ADAM32: variants seen among roughly 807,000 people sequenced by gnomAD.
ADAM32 encodes ADAM metallopeptidase domain 32, also known as disintegrin and metalloproteinase domain-containing protein 32.
A neutral mutation model predicts 114.9 loss-of-function variants in ADAM32; 89 were observed. That is an observed-to-expected ratio of 0.77 (90% CI 0.65 to 0.92). The LOEUF (loss-of-function observed/expected upper bound fraction) is 0.92. ADAM32 is among the 40% of genes least tolerant of loss of function. The pLI is 0.00. For missense variants in ADAM32, 870 were observed against 932.8 expected (o/e 0.93, Z 0.88); for synonymous variants, 285 against 307.5 (o/e 0.93, Z 0.77).
intron 16 of ADAM32, among the ~76,000 whole-genome samples, chr8:39,242,572 G>C (rs1043828452): frequency 1.3e-5 from 2 of 152,108 alleles, no homozygotes; most frequent in Non-Finnish European, 2.9e-5. Flanking sequence ...AAAACCATCA[G>C]ATCTCATGAG....
chr8:39,280,932 G>A (rs1452487536), intron 22 of ADAM32, among the ~76,000 whole-genome samples: 1 of 151,496 alleles, frequency 6.6e-6, no homozygotes, highest in Non-Finnish European at 1.5e-5. Context: ...ACAGGCGCCC[G>A]CCACCACACC....
intron 2 of ADAM32, among the ~76,000 whole-genome samples, chr8:39,127,727 G>T (rs904307181): frequency 4.6e-5 from 7 of 151,892 alleles, no homozygotes; most frequent in African/African-American, 1.7e-4. Flanking sequence ...TAGCTTTGGG[G>T]TTTGTTTGCT....
At chr8:39,221,284 G>T in intron 12 of ADAM32, 1 of 186,592 alleles carries the variant, frequency 5.4e-6, no homozygotes, top group East Asian at 1.3e-4. Context: ...TTTATTTTCA[G>T]TCTATGTGTC....
rs147056045 is a variant in ADAM32 at position 39,177,385 on chromosome 8, G to C, written c.915+7388G>C. On this transcript the variant is annotated intron_variant, in intron 10 of 24. Coordinates refer to ENST00000379907, the MANE Select transcript of ADAM32 (RefSeq NM_145004.7). ...AGCCATCCCTTTATTTTGAGCCTAT[G>C]TGTCTTTGCATGGGAGATGGGTATC... 7.2e-5 allele frequency among the ~76,000 whole-genome samples: 11 copies of C among 152,284 alleles called. No individual in the cohort carries two copies. In the East Asian group the frequency reaches 2.1e-3, roughly 29 times the overall value.
At chr8:39,127,544 T>C (rs1802190122) in intron 2 of ADAM32, among the ~76,000 whole-genome samples, 1 of 152,008 alleles carries the variant, frequency 6.6e-6, no homozygotes, top group Non-Finnish European at 1.5e-5. Context: ...TCATGTCTGA[T>C]TGTGTTTGAA....
chr8:39,182,397 T>A (rs1271884172), intron 10 of ADAM32, among the ~76,000 whole-genome samples: 1 of 152,238 alleles, frequency 6.6e-6, no homozygotes. Flanking sequence ...CATTTATTTT[T>A]TAAATTGACA....
intron 11 of ADAM32, among the ~76,000 whole-genome samples, chr8:39,190,216 G>A (rs1002066779): frequency 1.3e-5 from 2 of 152,106 alleles, no homozygotes; most frequent in Admixed American, 6.6e-5. Context: ...TGTTACAAAT[G>A]AAAAAGTTTA....
chr8:39,221,516 A>G lies in ADAM32; in HGVS notation c.1234-94A>G, dbSNP rs1338304556. 7 of 965,714 alleles carry G rather than the reference A, an allele frequency of 7.2e-6. No individual in the cohort carries two copies. In the African/African-American group the frequency reaches 9.9e-5, roughly 14 times the overall value. 59.8% of individuals were successfully genotyped at this position (965,714 alleles called of 1,614,324 possible). A position where few individuals can be genotyped will look rare whatever the true frequency, so the allele number is the denominator to read the frequency against. Reference sequence around the variant, plus strand: ...TCAGCAGCATTCATATCCTTTTCCAAATTCAAACAGTAAGCCCATCAAAAT... The same window carrying G: ...TCAGCAGCATTCATATCCTTTTCCAGATTCAAACAGTAAGCCCATCAAAAT... On this transcript the variant is annotated intron_variant, in intron 12 of 24. Coordinates refer to ENST00000379907, the MANE Select transcript of ADAM32 (RefSeq NM_145004.7).
chr8:39,283,798 G>A (rs1813600422), intron 24 of ADAM32, among the ~76,000 whole-genome samples, 174 bp downstream of exon 24: 1 of 124,794 alleles, frequency 8.0e-6, no homozygotes, highest in Non-Finnish European at 1.6e-5. Flanking sequence ...TTTTAAGACA[G>A]AGTCTTGCTC....
At chr8:39,158,558 TC>T in intron 6 of ADAM32, 1 of 348,458 alleles carries the variant, frequency 2.9e-6, no homozygotes, top group South Asian at 2.8e-5. Context: ...CAGCCTTGTA[TC>T]CCAGGAAAGC....
At chr8:39,155,531 A>C (rs1277486323) in intron 6 of ADAM32, among the ~76,000 whole-genome samples, 1 of 152,202 alleles carries the variant, frequency 6.6e-6, no homozygotes, top group Non-Finnish European at 1.5e-5. Context: ...TGGATGGATT[A>C]ATTTCTGAAG....
Position 39,275,842 on chromosome 8 carries a change from G to A in ADAM32, c.2255G>A (p.Ser752Asn), listed in dbSNP as rs1813039080. 2 of 1,560,892 alleles carry A rather than the reference G, an allele frequency of 1.3e-6. No individual in the cohort carries two copies. The highest frequency in any genetic ancestry group is 1.7e-6 in the Non-Finnish European group (2 of 1,151,686). The part of the protein sequence containing the change: ...QTYASQTRSE[S>N]SSQADTSKSK... ...CTTTCTTTTAGAACCAGATCAGAAA[G>A]CAGCAGTCAAGCTGATACTAGCAAG... The change falls in exon 22 of 25, where the codon AGC becomes AAC. Residue 752 changes from serine to asparagine, a missense_variant. Coordinates refer to ENST00000379907, the MANE Select transcript of ADAM32 (RefSeq NM_145004.7).
chr8:39,124,452 C>T, intron 2 of ADAM32, among the ~76,000 whole-genome samples: 1 of 146,270 alleles, frequency 6.8e-6, no homozygotes, highest in East Asian at 2.0e-4. Flanking sequence ...GAGTCTTGCT[C>T]TGTCGACCAG....
At chr8:39,200,074 A>G (rs973007436) in intron 11 of ADAM32, among the ~76,000 whole-genome samples, 7 of 152,218 alleles carry the variant, frequency 4.6e-5, no homozygotes, top group African/African-American at 9.7e-5. Context: ...TAGTGCTGCA[A>G]TAAACATATG....
chr8:39,234,047 G>T lies in ADAM32; in HGVS notation c.1783G>T (p.Ala595Ser). ...KLPRTVPDPLAVKNGSQCDIG... is the reference protein window; with the variant it reads ...KLPRTVPDPLSVKNGSQCDIG... ...GCCTCGAACAGTTCCAGATCCACTG[G>T]CTGTCAAAAATGGCTCTCAGTGTGA... Residue 595 changes from alanine to serine, a missense_variant, in exon 16 of 25, where the codon GCT becomes TCT. Coordinates refer to ENST00000379907, the MANE Select transcript of ADAM32 (RefSeq NM_145004.7). 1.3e-6 allele frequency: 2 copies of T among 1,494,120 alleles called. No individual in the cohort carries two copies. The highest frequency in any genetic ancestry group is 1.4e-5 in the South Asian group (1 of 69,328). The allele number at this position is 1,494,120 out of a possible 1,614,324, so 92.6% of individuals were successfully genotyped here.
intron 16 of ADAM32, among the ~76,000 whole-genome samples, chr8:39,243,116 A>G (rs778079061): frequency 6.6e-5 from 10 of 152,172 alleles, no homozygotes; most frequent in Non-Finnish European, 1.3e-4. Flanking sequence ...ACTAATAACA[A>G]GCAGTGAGAT....
chr8:39,268,570 T>C (rs911469640), intron 19 of ADAM32, among the ~76,000 whole-genome samples: 7 of 152,214 alleles, frequency 4.6e-5, no homozygotes, highest in Admixed American at 4.6e-4. Flanking sequence ...CTTTTAGCAA[T>C]CTTTAGAGCA....
At position 39,257,342 on chromosome 8, in the gene ADAM32, G is replaced by A. The variant is rs199764156; in HGVS notation, c.2161G>A (p.Glu721Lys). The A allele has an allele frequency of 1.7e-4, 273 of 1,612,610 alleles. No individual in the cohort carries two copies. Among genetic ancestry groups the A allele is most frequent in the Non-Finnish European group, 2.1e-4 (244 of 1,179,180 alleles). The change falls in exon 19 of 25, where the codon GAA becomes AAA. Residue 721 changes from glutamate to lysine, a missense_variant and splice_region_variant. Physicochemically the swap from Glu to Lys is moderately conservative, Grantham distance 56 (BLOSUM62 1). Transcript: ENST00000379907. ...CAAGGAAGAGGAATTCCCAAGTAGC[G>A]AGTAAATTGCATTTGTGTTCTGAAG... is the stretch of plus-strand genomic sequence containing the variant. ...FAKEEEFPSS[E>K]SKSEGSTQTY...
chr8:39,170,167 A>G (rs986098828), intron 10 of ADAM32, among the ~76,000 whole-genome samples, 170 bp downstream of exon 10: 1 of 152,144 alleles, frequency 6.6e-6, no homozygotes, highest in African/African-American at 2.4e-5. Context: ...TTGTAGATCA[A>G]TATCTTGTTG....
Sources: gnomAD v4.1 joint callset for allele counts (sites outside exome capture counted in the v4.1 genomes callset) on GRCh38, gnomAD v4.1.1 for gene constraint, MANE v1.5 for transcripts, NCBI Gene and HGNC (gene_info 2026-07-23, HGNC 2026-07-21) for gene names.